AP3M1: variants seen among roughly 807,000 people sequenced by gnomAD.
AP3M1 encodes AP-3 complex subunit mu-1.
A neutral mutation model predicts 42.6 loss-of-function variants in AP3M1; 29 were observed. The ratio of observed to expected loss-of-function variants is 0.68; its 90% confidence interval spans 0.51 to 0.93. The LOEUF (loss-of-function observed/expected upper bound fraction) is 0.93, where lower values mean the gene tolerates loss of function less well. AP3M1 is among the 40% of genes least tolerant of loss of function. The pLI is 0.00. For synonymous variants in AP3M1, 178 were observed against 175.3 expected (o/e 1.02, Z -0.12); for missense variants, 416 against 510.2 (o/e 0.82, Z 1.78).
chr10:74,145,882 T>C (rs991515250), intron 1 of AP3M1, among the ~76,000 whole-genome samples: 1 of 152,216 alleles, frequency 6.6e-6, no homozygotes, highest in Non-Finnish European at 1.5e-5. Flanking sequence ...ATTCCTTCTA[T>C]ATATAATATG....
At chr10:74,129,342 T>G (rs1400829958) in intron 5 of AP3M1, 101 bp from the exon 6 acceptor site, 1 of 1,276,644 alleles carries the variant, frequency 7.8e-7, no homozygotes, top group Non-Finnish European at 1.1e-6. Flanking sequence ...AAAGCAGTCA[T>G]GGAAGAGTTT....
chr10:74,149,533 C>T (rs1841470146), intron 1 of AP3M1, among the ~76,000 whole-genome samples: 1 of 151,926 alleles, frequency 6.6e-6, no homozygotes, highest in Admixed American at 6.6e-5. Flanking sequence ...TGTGATCCGC[C>T]CGCTTCAGCC....
At chr10:74,146,943 G>C (rs911865295) in intron 1 of AP3M1, among the ~76,000 whole-genome samples, 3 of 152,078 alleles carry the variant, frequency 2.0e-5, no homozygotes, top group African/African-American at 7.2e-5. Context: ...CCAGAAGAAT[G>C]GAGTGGTAAA....
At chr10:74,127,198 G>A (rs10824076) in intron 6 of AP3M1, among the ~76,000 whole-genome samples, 27,774 of 151,826 alleles carry the variant, frequency 0.18, 3,122 homozygotes, top group African/African-American at 0.32. Flanking sequence ...TTTGCAACCA[G>A]TCCTCCAAGG....
In AP3M1 at chr10:74,140,535, G is replaced by C. The variant is rs150505710; in HGVS notation, c.-3-2153C>G. On this transcript the variant is annotated intron_variant, in intron 1 of 8. Coordinates refer to ENST00000355264, the MANE Select transcript of AP3M1 (RefSeq NM_012095.6). The stretch of plus-strand genomic sequence containing the variant: ...CTTCATCTACAGTCTGATTTACTAT[G>C]AAACAAGAATTGGGGGGATGCTTAC... Among the ~76,000 whole-genome samples, 149 of 151,858 alleles carry C rather than the reference G, an allele frequency of 9.8e-4. No individual in the cohort carries two copies. In the East Asian group the frequency reaches 0.021, roughly 21 times the overall value.
intron 3 of AP3M1, 22 bp from the exon 4 acceptor site, chr10:74,134,186 G>A: frequency 1.9e-6 from 3 of 1,606,872 alleles, no homozygotes; most frequent in Non-Finnish European, 1.7e-6. Context: ...AAAAGGAGAA[G>A]GCAAAGCTGA....
chr10:74,133,669 CTT>C (rs111439833), intron 4 of AP3M1, among the ~76,000 whole-genome samples: 11 of 142,924 alleles, frequency 7.7e-5, no homozygotes, highest in Non-Finnish European at 7.7e-5. Context: ...CTTTCTTCTT[CTT>C]TTTTTTTTTT....
chr10:74,148,089 A>G (rs1483071378), intron 1 of AP3M1, among the ~76,000 whole-genome samples: 1 of 152,226 alleles, frequency 6.6e-6, no homozygotes, highest in Non-Finnish European at 1.5e-5. Context: ...GAAGTGTAAA[A>G]AAATAGAGAT....
At chr10:74,137,077 T>C (rs1271265762) in intron 2 of AP3M1, among the ~76,000 whole-genome samples, 1 of 151,998 alleles carries the variant, frequency 6.6e-6, no homozygotes, top group African/African-American at 2.4e-5. Flanking sequence ...CTGTCTCTAC[T>C]AAAAATACAA....
At chr10:74,139,410 TTAAGACCAGCC>T (rs1218102565) in intron 1 of AP3M1, among the ~76,000 whole-genome samples, 1 of 151,382 alleles carries the variant, frequency 6.6e-6, no homozygotes, top group Non-Finnish European at 1.5e-5. Context: ...GCTCAGGAGT[TTAAGACCAGCC>T]TATGCAACAT....
chr10:74,141,142 G>T (rs1238476920), intron 1 of AP3M1, among the ~76,000 whole-genome samples: 1 of 152,084 alleles, frequency 6.6e-6, no homozygotes, highest in Non-Finnish European at 1.5e-5. Flanking sequence ...AAAATATAAA[G>T]AACTTTTACT....
intron 7 of AP3M1, among the ~76,000 whole-genome samples, 159 bp from the exon 8 acceptor site, chr10:74,124,683 T>G (rs995774141): frequency 8.5e-5 from 13 of 152,246 alleles, no homozygotes; most frequent in Non-Finnish European, 1.9e-4. Flanking sequence ...TCTGATTAAT[T>G]CTGTGACTTT....
intron 4 of AP3M1, 115 bp downstream of exon 4, chr10:74,133,912 C>G: frequency 7.4e-7 from 1 of 1,349,032 alleles, no homozygotes; most frequent in Non-Finnish European, 1.0e-6. Context: ...CTTGGCCTCC[C>G]AAAGGGCTGG....
intron 5 of AP3M1, among the ~76,000 whole-genome samples, chr10:74,129,627 G>C (rs1026211672): frequency 6.6e-6 from 1 of 152,110 alleles, no homozygotes; most frequent in Non-Finnish European, 1.5e-5. Context: ...TATCAGCAAA[G>C]CAAATAATTA....
intron 3 of AP3M1, among the ~76,000 whole-genome samples, chr10:74,136,413 T>C (rs374761082): frequency 6.6e-6 from 1 of 150,990 alleles, no homozygotes; most frequent in Admixed American, 6.6e-5. Flanking sequence ...TGTGGTGTTT[T>C]AGAAAAAAAA....
At chr10:74,150,499 T>C (rs1841527461) in intron 1 of AP3M1, 1 of 152,548 alleles carries the variant, frequency 6.6e-6, no homozygotes, top group African/African-American at 2.4e-5. Context: ...CAGCTCACTA[T>C]AGAGGGGGAA....
At chr10:74,130,719 A>C (rs557421480) in intron 4 of AP3M1, among the ~76,000 whole-genome samples, 1 of 152,294 alleles carries the variant, frequency 6.6e-6, no homozygotes, top group Admixed American at 6.5e-5. Context: ...CTGGGATTAC[A>C]GGTGTGAGCT....
In AP3M1 at chr10:74,129,112, G is replaced by C; in HGVS notation, c.799C>G (p.Gln267Glu). The C allele has an allele frequency of 6.2e-7, 1 of 1,613,894 alleles. No individual in the cohort carries two copies. Among genetic ancestry groups the C allele is most frequent in the Non-Finnish European group, 8.5e-7 (1 of 1,179,936 alleles). ...FRLISYRVSS[Q>E]NLVAIPVYVK... is the part of the protein sequence containing the mutation. Reference sequence around the variant, plus strand: ...CTGGCTGATGCATCAACATACTTTTGTGAGCTGACACGGTATGATATGAGT... The same window carrying C: ...CTGGCTGATGCATCAACATACTTTTCTGAGCTGACACGGTATGATATGAGT... The change falls in exon 6 of 9, where the codon CAA becomes GAA. Residue 267 changes from glutamine to glutamate, a missense_variant. Gln to Glu is a conservative substitution (Grantham distance 29). Transcript: ENST00000355264.
At chr10:74,131,835 C>G (rs1356856240) in intron 4 of AP3M1, among the ~76,000 whole-genome samples, 1 of 152,000 alleles carries the variant, frequency 6.6e-6, no homozygotes, top group Non-Finnish European at 1.5e-5. Flanking sequence ...AGCCACCGTG[C>G]CTGGCAAAAA....
Sources: gnomAD v4.1 joint callset for allele counts (sites outside exome capture counted in the v4.1 genomes callset) on GRCh38, gnomAD v4.1.1 for gene constraint, MANE v1.5 for transcripts, NCBI Gene and HGNC (gene_info 2026-07-23, HGNC 2026-07-21) for gene names.